ETV2: variants seen among roughly 807,000 people sequenced by gnomAD.
ETV2 encodes the protein ETS variant transcription factor 2.
ETV2 carries 34 observed loss-of-function variants against 35.7 expected under a neutral mutation model. That is an observed-to-expected ratio of 0.95 (90% CI 0.72 to 1.27). The LOEUF (loss-of-function observed/expected upper bound fraction) is 1.27. Ranked by LOEUF, ETV2 falls within the 50% of genes most tolerant of loss-of-function variation. The probability of loss-of-function intolerance (pLI) is 0.00; values close to 1 mark genes in which losing one functional copy is unlikely to be tolerated. For synonymous variants in ETV2, 207 were observed against 203.9 expected (o/e 1.02, Z -0.13); for missense variants, 512 against 470.5 (o/e 1.09, Z -0.82).
Position 35,643,509 on chromosome 19 carries a change from T to C in ETV2, c.471T>C (p.Ser157=). ...AAGSNTSWDC[S]VGPDGDTYWG... is the part of the protein sequence containing the mutation. ...GGAGCAACACCAGCTGGGACTGTTC[T>C]GTGGGGCCCGACGGCGATACCTACT... The change falls in exon 5 of 7, where the codon TCT becomes TCC. Residue 157 remains serine, a synonymous_variant. Coordinates refer to ENST00000402764, the MANE Select transcript of ETV2 (RefSeq NM_014209.4). The surrounding 1 kb of genome is among the most constrained non-coding windows in gnomAD (Gnocchi z 5.0). The C allele has an allele frequency of 1.9e-6, 3 of 1,549,860 alleles. No individual in the cohort carries two copies. Among genetic ancestry groups the C allele is most frequent in the Non-Finnish European group, 2.6e-6 (3 of 1,146,544 alleles).
Position 35,644,383 on chromosome 19 carries a change from G to T in ETV2, c.828+36G>T, listed in dbSNP as rs1967709600. 7.6e-7 allele frequency: 1 copy of T among 1,320,998 alleles called. No individual in the cohort carries two copies. The highest frequency in any genetic ancestry group is 1.1e-6 in the Non-Finnish European group (1 of 939,740). 81.8% of individuals were successfully genotyped at this position (1,320,998 alleles called of 1,614,324 possible). A position where few individuals can be genotyped will look rare whatever the true frequency, so the allele number is the denominator to read the frequency against. On this transcript the variant is annotated intron_variant, in intron 6 of 6. Coordinates refer to ENST00000402764, the MANE Select transcript of ETV2 (RefSeq NM_014209.4). This position sits in a 1 kb window ranked among gnomAD's most constrained non-coding sequence, Gnocchi z 4.7. ...TCCCCTGCCCAGCCAAATCCGCCCC[G>T]TCTCTTCTAGTTCAATTTAGCTCCG...
rs1294449823 is a variant in ETV2 at position 35,642,303 on chromosome 19, A to G, written c.-27-131A>G. On this transcript the variant is annotated intron_variant, in intron 1 of 6. Transcript: ENST00000402764. The surrounding 1 kb of genome is among the most constrained non-coding windows in gnomAD (Gnocchi z 4.4). ...CCCTCACTCCCAGGACCAAGATTTT[A>G]GGCTCCTGGGGAAGGAGGGAGCGGA... is the stretch of plus-strand genomic sequence containing the variant. 1.9e-5 allele frequency: 11 copies of G among 573,628 alleles called. No individual in the cohort carries two copies. Among genetic ancestry groups the G allele is most frequent in the Non-Finnish European group, 3.4e-5 (11 of 326,110 alleles). The allele number at this position is 573,628 out of a possible 1,614,324, so 35.5% of individuals were successfully genotyped here.
chr19:35,643,261 T>C lies in ETV2; in HGVS notation c.236-13T>C, dbSNP rs1218265991. 68 of 1,586,850 alleles carry C rather than the reference T, an allele frequency of 4.3e-5. No individual in the cohort carries two copies. The highest frequency in any genetic ancestry group is 5.1e-5 in the Non-Finnish European group (60 of 1,170,104). On this transcript the variant is annotated splice_polypyrimidine_tract_variant and intron_variant, in intron 4 of 6. Coordinates refer to ENST00000402764, the MANE Select transcript of ETV2 (RefSeq NM_014209.4). The surrounding 1 kb of genome is among the most constrained non-coding windows in gnomAD (Gnocchi z 5.0). ...CTGGGCTCCCCTCACTCGGGATCCGTTACTCCTCACAGAGCCCGACTCTCA... is the reference window on the plus strand; with the variant it reads ...CTGGGCTCCCCTCACTCGGGATCCGCTACTCCTCACAGAGCCCGACTCTCA...
chr19:35,644,765 A>G lies in ETV2; in HGVS notation c.942A>G (p.Arg314=). 1.9e-6 allele frequency: 3 copies of G among 1,611,474 alleles called. No individual in the cohort carries two copies. The highest frequency in any genetic ancestry group is 2.5e-6 in the Non-Finnish European group (3 of 1,178,524). The change falls in exon 7 of 7, where the codon CGA becomes CGG. Residue 314 remains arginine (R), a synonymous_variant. Transcript: ENST00000402764. This position sits in a 1 kb window ranked among gnomAD's most constrained non-coding sequence, Gnocchi z 4.7. ...RRDIVRKSGG[R]KYTYRFGGRV... is the part of the protein sequence containing the mutation. ...ACATCGTGCGCAAGAGCGGGGGGCG[A>G]AAGTACACGTACCGCTTCGGGGGCC...
Position 35,642,800 on chromosome 19 carries a change from G to C in ETV2, c.154+102G>C, listed in dbSNP as rs1967637925. 1.9e-6 allele frequency: 2 copies of C among 1,068,280 alleles called. No homozygotes were observed. The highest frequency in any genetic ancestry group is 4.3e-5 in the Admixed American group (2 of 46,890). 66.2% of individuals were successfully genotyped at this position (1,068,280 alleles called of 1,614,324 possible). A position where few individuals can be genotyped will look rare whatever the true frequency, so the allele number is the denominator to read the frequency against. On this transcript the variant is annotated intron_variant, in intron 3 of 6. Coordinates refer to ENST00000402764, the MANE Select transcript of ETV2 (RefSeq NM_014209.4). The surrounding 1 kb of genome is among the most constrained non-coding windows in gnomAD (Gnocchi z 4.4). ...GGCGTGCCTAGGTTCCTGGGACTGGGTGGGGAGGGGCCGCGTGCTTGACCC... is the reference window on the plus strand; with the variant it reads ...GGCGTGCCTAGGTTCCTGGGACTGGCTGGGGAGGGGCCGCGTGCTTGACCC...
At position 35,642,924 on chromosome 19, in the gene ETV2, G is replaced by A. The variant is rs1372329698; in HGVS notation, c.155-41G>A. 8.0e-7 allele frequency: 1 copy of A among 1,248,910 alleles called. No homozygotes were observed. The highest frequency in any genetic ancestry group is 1.1e-6 in the Non-Finnish European group (1 of 870,534). The allele number at this position is 1,248,910 out of a possible 1,614,324, so 77.4% of individuals were successfully genotyped here. ...AGTAGAGACTAGAGAGTGGGTAGTT[G>A]AGGGGTCTCTTTCATTGCTCACAGT... On this transcript the variant is annotated intron_variant, in intron 3 of 6. Coordinates refer to ENST00000402764, the MANE Select transcript of ETV2 (RefSeq NM_014209.4). This position sits in a 1 kb window ranked among gnomAD's most constrained non-coding sequence, Gnocchi z 4.4.
Position 35,643,130 on chromosome 19 carries a change from G to T in ETV2, c.235+85G>T. 1 of 1,385,414 alleles carries T rather than the reference G, an allele frequency of 7.2e-7. No individual in the cohort carries two copies. The allele number at this position is 1,385,414 out of a possible 1,614,324, so 85.8% of individuals were successfully genotyped here. A position where few individuals can be genotyped will look rare whatever the true frequency, so the allele number is the denominator to read the frequency against. On this transcript the variant is annotated intron_variant, in intron 4 of 6. Coordinates refer to ENST00000402764, the MANE Select transcript of ETV2 (RefSeq NM_014209.4). The surrounding 1 kb of genome is among the most constrained non-coding windows in gnomAD (Gnocchi z 5.0). ...AGGTGTAGACTCCCTGATCTTTGAG[G>T]ACTGAGAACACCTGCGCCCTCAAGG...
In ETV2 at chr19:35,644,761, G is replaced by A; in HGVS notation, c.938G>A (p.Gly313Glu). ...CGCGACATCGTGCGCAAGAGCGGGG[G>A]GCGAAAGTACACGTACCGCTTCGGG... ...YRRDIVRKSG[G>E]RKYTYRFGGR... Residue 313 changes from glycine (G) to glutamate (E), a missense_variant, in exon 7 of 7, where the codon GGG becomes GAG. Gly to Glu is a moderately conservative substitution (Grantham distance 98). Coordinates refer to ENST00000402764, the MANE Select transcript of ETV2 (RefSeq NM_014209.4). This position sits in a 1 kb window ranked among gnomAD's most constrained non-coding sequence, Gnocchi z 4.7. 1 of 1,611,106 alleles carries A rather than the reference G, an allele frequency of 6.2e-7. No individual in the cohort carries two copies. The highest frequency in any genetic ancestry group is 1.3e-5 in the African/African-American group (1 of 75,014).
Position 35,643,670 on chromosome 19 carries a change from G to C in ETV2, c.632G>C (p.Ser211Thr), listed in dbSNP as rs746618251. ...ACCACCTCTTTGAAGCGGTACCAGA[G>C]CTCAGCTCTCACCGTTTGCTCCGAA... ...GGTTSLKRYQ[S>T]SALTVCSEPS... The change falls in exon 5 of 7, where the codon AGC becomes ACC. Residue 211 changes from serine to threonine, a missense_variant. By Grantham distance (58) the Ser-to-Thr change is moderately conservative. Coordinates refer to ENST00000402764, the MANE Select transcript of ETV2 (RefSeq NM_014209.4). This position sits in a 1 kb window ranked among gnomAD's most constrained non-coding sequence, Gnocchi z 5.0. The C allele has an allele frequency of 1.1e-5, 18 of 1,613,838 alleles. No homozygotes were observed. The highest frequency in any genetic ancestry group is 1.5e-5 in the Non-Finnish European group (18 of 1,179,826).
rs1332536636 is a variant in ETV2, at chr19:35,644,235, G to C, written c.716G>C (p.Gly239Ala). 2 of 1,552,956 alleles carry C rather than the reference G, an allele frequency of 1.3e-6. No homozygotes were observed. Among genetic ancestry groups the C allele is most frequent in the Non-Finnish European group, 8.7e-7 (1 of 1,145,512 alleles). Residue 239 changes from glycine (G) to alanine (A), a missense_variant and splice_region_variant, in exon 6 of 7, where the codon GGT becomes GCT. Transcript: ENST00000402764. This position sits in a 1 kb window ranked among gnomAD's most constrained non-coding sequence, Gnocchi z 4.7. ...LARCPKTNHR[G>A]PIQLWQFLLE... is the part of the protein sequence containing the mutation. ...GTGTGCCCCTCCCTTCATCCCGCAGGTCCCATTCAGCTGTGGCAGTTCCTC... is the reference window on the plus strand; with the variant it reads ...GTGTGCCCCTCCCTTCATCCCGCAGCTCCCATTCAGCTGTGGCAGTTCCTC...
chr19:35,643,385 C>T lies in ETV2; in HGVS notation c.347C>T (p.Pro116Leu), dbSNP rs1021376953. 9.7e-6 allele frequency: 15 copies of T among 1,554,288 alleles called. No individual in the cohort carries two copies. The Admixed American group carries it at 2.7e-4, about 28-fold the overall frequency. Residue 116 changes from proline (P) to leucine (L), a missense_variant, in exon 5 of 7, where the codon CCG becomes CTG. Coordinates refer to ENST00000402764, the MANE Select transcript of ETV2 (RefSeq NM_014209.4). This position sits in a 1 kb window ranked among gnomAD's most constrained non-coding sequence, Gnocchi z 5.0. ...SQTLGPAPLG[P>L]GPIPAAGSEG... ...ACCCTGGGCCCCGCCCCTCTCGGCC[C>T]GGGCCCCATCCCCGCCGCCGGCTCC...
In ETV2 at chr19:35,644,817, T is replaced by C; in HGVS notation, c.994T>C (p.Cys332Arg). Reference sequence around the variant, plus strand: ...CGTGCCCAGCCTAGCCTATCCGGACTGTGCGGGAGGCGGACGGGGAGCAGA... The same window carrying C: ...CGTGCCCAGCCTAGCCTATCCGGACCGTGCGGGAGGCGGACGGGGAGCAGA... ...GRVPSLAYPD[C>R]AGGGRGAETQ Residue 332 changes from cysteine to arginine, a missense_variant, in exon 7 of 7, where the codon TGT (cysteine) becomes CGT (arginine). Transcript: ENST00000402764. The surrounding 1 kb of genome is among the most constrained non-coding windows in gnomAD (Gnocchi z 4.7). 1.9e-6 allele frequency: 3 copies of C among 1,611,424 alleles called. No individual in the cohort carries two copies. Among genetic ancestry groups the C allele is most frequent in the Non-Finnish European group, 2.5e-6 (3 of 1,178,844 alleles).
chr19:35,643,440 C>T lies in ETV2; in HGVS notation c.402C>T (p.Pro134=), dbSNP rs1037577316. The T allele has an allele frequency of 2.6e-6, 4 of 1,546,090 alleles. No homozygotes were observed. In the African/African-American group the frequency reaches 4.1e-5, roughly 16 times the overall value. Residue 134 remains proline (P), a synonymous_variant, in exon 5 of 7, where the codon CCC becomes CCT. Coordinates refer to ENST00000402764, the MANE Select transcript of ETV2 (RefSeq NM_014209.4). This position sits in a 1 kb window ranked among gnomAD's most constrained non-coding sequence, Gnocchi z 5.0. ...SEGAAGQNCV[P]VAGEATSWSR... is the part of the protein sequence containing the mutation. ...GCGCCGCGGGCCAGAACTGCGTCCC[C>T]GTGGCGGGAGAGGCCACCTCGTGGT...
In ETV2 at chr19:35,643,569, C is replaced by A; in HGVS notation, c.531C>A (p.Asp177Glu). Residue 177 changes from aspartate (D) to glutamate (E), a missense_variant, in exon 5 of 7, where the codon GAC (aspartate) becomes GAA (glutamate). Coordinates refer to ENST00000402764, the MANE Select transcript of ETV2 (RefSeq NM_014209.4). This position sits in a 1 kb window ranked among gnomAD's most constrained non-coding sequence, Gnocchi z 5.0. ...GCCTGGGCGGGGAGCCGCGCACGGACTGTACCATTTCGTGGGGCGGGCCCG... is the reference window on the plus strand; with the variant it reads ...GCCTGGGCGGGGAGCCGCGCACGGAATGTACCATTTCGTGGGGCGGGCCCG... ...GSGLGGEPRT[D>E]CTISWGGPAG... 6.3e-7 allele frequency: 1 copy of A among 1,576,018 alleles called. No homozygotes were observed. Among genetic ancestry groups the A allele is most frequent in the Non-Finnish European group, 8.6e-7 (1 of 1,161,264 alleles).
At position 35,644,111 on chromosome 19, in the gene ETV2, AG is replaced by A. The variant is rs1190976379; in HGVS notation, c.716-117del. 1.1e-5 allele frequency: 8 copies of A among 726,428 alleles called. No homozygotes were observed. The highest frequency in any genetic ancestry group is 4.5e-5 in the South Asian group (3 of 66,218). 45.0% of individuals were successfully genotyped at this position (726,428 alleles called of 1,614,324 possible). On this transcript the variant is annotated intron_variant, in intron 5 of 6. Coordinates refer to ENST00000402764, the MANE Select transcript of ETV2 (RefSeq NM_014209.4). The surrounding 1 kb of genome is among the most constrained non-coding windows in gnomAD (Gnocchi z 4.7). ...AAGGCTGACTGTTGGATCTCAGAGA[AG>A]GGGGGGCGGATCCCCTTCTCGGGTC...
chr19:35,644,145 C>T lies in ETV2; in HGVS notation c.716-90C>T. The T allele has an allele frequency of 1.1e-6, 1 of 905,368 alleles. No homozygotes were observed. Among genetic ancestry groups the T allele is most frequent in the East Asian group, 2.6e-5 (1 of 38,032 alleles). The allele number at this position is 905,368 out of a possible 1,614,324, so 56.1% of individuals were successfully genotyped here. The stretch of plus-strand genomic sequence containing the variant: ...GGATCCCCTTCTCGGGTCCTGGGTC[C>T]CGAGTTGGGAGGACCCGGACCTCTA... On this transcript the variant is annotated intron_variant, in intron 5 of 6. Coordinates refer to ENST00000402764, the MANE Select transcript of ETV2 (RefSeq NM_014209.4). This position sits in a 1 kb window ranked among gnomAD's most constrained non-coding sequence, Gnocchi z 4.7.
In ETV2 at chr19:35,642,969, A is replaced by C. The variant is rs759864765; in HGVS notation, c.159A>C (p.Thr53=). 5.1e-6 allele frequency: 8 copies of C among 1,565,086 alleles called. No individual in the cohort carries two copies. The highest frequency in any genetic ancestry group is 6.1e-6 in the Non-Finnish European group (7 of 1,151,516). ...TATAETCWKG[T]SSSLASFPQL... Reference sequence around the variant, plus strand: ...CACAGTCCTCCCTAAACTCAGGTACAAGCTCATCCCTGGCAAGCTTCCCAC... The same window carrying C: ...CACAGTCCTCCCTAAACTCAGGTACCAGCTCATCCCTGGCAAGCTTCCCAC... The change falls in exon 4 of 7, where the codon ACA becomes ACC. Residue 53 remains threonine, a synonymous_variant. Transcript: ENST00000402764. This position sits in a 1 kb window ranked among gnomAD's most constrained non-coding sequence, Gnocchi z 4.4.
Position 35,643,555 on chromosome 19 carries a change from G to T in ETV2, c.517G>T (p.Glu173Ter). Residue 173 changes from glutamate to a stop codon, truncating the protein, a stop_gained, in exon 5 of 7, where the codon GAG (glutamate) becomes TAG (stop). Coordinates refer to ENST00000402764, the MANE Select transcript of ETV2 (RefSeq NM_014209.4). LOFTEE classifies it high-confidence loss of function. The surrounding 1 kb of genome is among the most constrained non-coding windows in gnomAD (Gnocchi z 5.0). Reference protein sequence around the residue: ...DTYWGSGLGGEPRTDCTISWG... With the variant: ...DTYWGSGLGG ...CTACTGGGGCAGTGGCCTGGGCGGG[G>T]AGCCGCGCACGGACTGTACCATTTC... 2 of 1,558,978 alleles carry T rather than the reference G, an allele frequency of 1.3e-6. No individual in the cohort carries two copies. Among genetic ancestry groups the T allele is most frequent in the Non-Finnish European group, 1.7e-6 (2 of 1,151,682 alleles).
Position 35,642,946 on chromosome 19 carries a change from C to T in ETV2, c.155-19C>T. 4 of 1,495,874 alleles carry T rather than the reference C, an allele frequency of 2.7e-6. No homozygotes were observed. The highest frequency in any genetic ancestry group is 3.7e-6 in the Non-Finnish European group (4 of 1,092,154). 92.7% of individuals were successfully genotyped at this position (1,495,874 alleles called of 1,614,324 possible). A position where few individuals can be genotyped will look rare whatever the true frequency, so the allele number is the denominator to read the frequency against. ...GTTGAGGGGTCTCTTTCATTGCTCA[C>T]AGTCCTCCCTAAACTCAGGTACAAG... On this transcript the variant is annotated intron_variant, in intron 3 of 6. Coordinates refer to ENST00000402764, the MANE Select transcript of ETV2 (RefSeq NM_014209.4). This position sits in a 1 kb window ranked among gnomAD's most constrained non-coding sequence, Gnocchi z 4.4.
Sources: gnomAD v4.1 joint callset for allele counts on GRCh38, gnomAD v4.1.1 for gene constraint, Gnocchi (gnomAD v3.1) non-coding constraint, MANE v1.5 for transcripts, NCBI Gene and HGNC (gene_info 2026-07-23, HGNC 2026-07-21) for gene names.